Variants in CTNNA2 observed in about 807,000 individuals in gnomAD.
CTNNA2 encodes the protein catenin alpha 2, also known as catenin alpha-2.
Under a neutral mutation model 101.0 loss-of-function variants are expected in CTNNA2, and 42 were observed. That is an observed-to-expected ratio of 0.42 (90% CI 0.32 to 0.54). CTNNA2 has a LOEUF of 0.54. CTNNA2 is among the 20% of genes least tolerant of loss of function. The probability of loss-of-function intolerance (pLI) is 0.14; values close to 1 mark genes in which losing one functional copy is unlikely to be tolerated. For missense variants in CTNNA2, 871 were observed against 1,223.1 expected (o/e 0.71, Z 4.29); for synonymous variants, 450 against 456.4 (o/e 0.99, Z 0.18).
At chr2:79,977,448 C>T (rs1479632218) in intron 7 of CTNNA2, among the ~76,000 whole-genome samples, 2 of 152,074 alleles carry the variant, frequency 1.3e-5, no homozygotes, top group Non-Finnish European at 1.5e-5. Flanking sequence ...GGACAGCCCC[C>T]ACCACGAGAA....
intron 7 of CTNNA2, among the ~76,000 whole-genome samples, chr2:80,367,400 A>G (rs1675039884): frequency 6.6e-6 from 1 of 152,074 alleles, no homozygotes; most frequent in Admixed American, 6.6e-5. Context: ...AAGAAGCTTT[A>G]GGGTTTGGGG....
intron 2 of CTNNA2, among the ~76,000 whole-genome samples, chr2:79,674,199 G>T (rs1683038341): frequency 6.6e-6 from 1 of 152,162 alleles, no homozygotes. Context: ...ATGAGCCCTA[G>T]ACTTCCATGA....
chr2:79,979,826 T>C (rs1691130208), intron 7 of CTNNA2, among the ~76,000 whole-genome samples: 1 of 152,152 alleles, frequency 6.6e-6, no homozygotes, highest in Admixed American at 6.6e-5. Context: ...TCCTAGCAAC[T>C]AATGCAGAGA....
intron 7 of CTNNA2, among the ~76,000 whole-genome samples, chr2:80,284,599 C>G (rs1674612789): frequency 6.6e-6 from 1 of 151,352 alleles, no homozygotes; most frequent in Admixed American, 6.6e-5. Flanking sequence ...TCCATCCCTC[C>G]CATGATCTCT....
chr2:80,024,753 C>A (rs1694829571), intron 7 of CTNNA2, among the ~76,000 whole-genome samples: 2 of 151,834 alleles, frequency 1.3e-5, no homozygotes, highest in East Asian at 1.9e-4. Flanking sequence ...GTGTATGTTA[C>A]AATCAGTGCT....
intron 1 of CTNNA2, among the ~76,000 whole-genome samples, chr2:79,575,178 T>A (rs555678106): frequency 3.8e-4 from 58 of 152,284 alleles, no homozygotes; most frequent in African/African-American, 1.1e-3. Flanking sequence ...TGGAATGTAA[T>A]CTGGTTCTCG....
At chr2:80,281,217 G>C (rs533451433) in intron 7 of CTNNA2, among the ~76,000 whole-genome samples, 1 of 152,246 alleles carries the variant, frequency 6.6e-6, no homozygotes, top group East Asian at 1.9e-4. Flanking sequence ...TGTTGTTAGG[G>C]TGGTGCATTG....
At chr2:80,030,499 C>T (rs1309208763) in intron 7 of CTNNA2, 1 of 152,186 alleles carries the variant, frequency 6.6e-6, no homozygotes, top group Admixed American at 6.5e-5. Flanking sequence ...AGTGCTTTCT[C>T]ACCTTGGGAA....
intron 4 of CTNNA2, among the ~76,000 whole-genome samples, chr2:79,504,611 G>A (rs1048770817): frequency 2.6e-5 from 4 of 152,056 alleles, no homozygotes; most frequent in Non-Finnish European, 5.9e-5. Context: ...CTTTAATGAC[G>A]GAGTATCTGG....
intron 3 of CTNNA2, among the ~76,000 whole-genome samples, chr2:79,829,732 A>ATTTAT (rs1265471631): frequency 3.2e-3 from 323 of 101,350 alleles, no homozygotes; most frequent in African/African-American, 0.01. Flanking sequence ...TTATTTATTT[A>ATTTAT]TTTTTGAGAC....
At chr2:80,139,840 AAAGC>A (rs1702899855) in intron 7 of CTNNA2, among the ~76,000 whole-genome samples, 1 of 152,192 alleles carries the variant, frequency 6.6e-6, no homozygotes, top group Non-Finnish European at 1.5e-5. Flanking sequence ...TGCTGTGAAG[AAAGC>A]ATGTTTGCTT....
chr2:79,205,905 A>T (rs1674094538), intron 2 of CTNNA2, among the ~76,000 whole-genome samples: 1 of 152,182 alleles, frequency 6.6e-6, no homozygotes, highest in Non-Finnish European at 1.5e-5. Context: ...GAGATCTCTC[A>T]ATATATTTCC....
intron 7 of CTNNA2, among the ~76,000 whole-genome samples, chr2:80,119,317 G>C (rs547312065): frequency 6.6e-6 from 1 of 152,300 alleles, no homozygotes; most frequent in South Asian, 2.1e-4. Flanking sequence ...TCATTAGCTA[G>C]ATTGGGTCAC....
intron 7 of CTNNA2, among the ~76,000 whole-genome samples, chr2:80,072,108 A>G (rs544233577): frequency 2.0e-5 from 3 of 152,312 alleles, no homozygotes; most frequent in African/African-American, 7.2e-5. Flanking sequence ...TTAGAGAAAC[A>G]CTGGCTTTAA....
At chr2:79,510,854 C>T (rs1385535380), upstream of CTNNA2, among the ~76,000 whole-genome samples, 1 of 152,166 alleles carries the variant, frequency 6.6e-6, no homozygotes, top group Non-Finnish European at 1.5e-5. Context: ...TACAAAACAA[C>T]AAACAAGACA....
intron 3 of CTNNA2, among the ~76,000 whole-genome samples, chr2:79,829,724 ATTTATTTATT>A (rs1678769586): frequency 1.1e-5 from 1 of 93,988 alleles, no homozygotes; most frequent in Non-Finnish European, 2.2e-5. Context: ...TTATTTATTT[ATTTATTTATT>A]TTTGAGACGG....
chr2:79,625,258 T>C (rs908679982), intron 1 of CTNNA2, among the ~76,000 whole-genome samples: 1 of 152,188 alleles, frequency 6.6e-6, no homozygotes, highest in African/African-American at 2.4e-5. Context: ...TATAATGTGA[T>C]AGAGACTCAA....
At chr2:79,360,140 A>C (rs1677595176) in intron 3 of CTNNA2, among the ~76,000 whole-genome samples, 1 of 152,230 alleles carries the variant, frequency 6.6e-6, no homozygotes, top group Non-Finnish European at 1.5e-5. Context: ...AAATATAATT[A>C]AGCTACTATT....
intron 7 of CTNNA2, among the ~76,000 whole-genome samples, chr2:80,181,902 G>A (rs548295083): frequency 6.6e-6 from 1 of 152,244 alleles, no homozygotes; most frequent in African/African-American, 2.4e-5. Context: ...ATCATATTAA[G>A]CAGCCAACTC....
Sources: gnomAD v4.1 joint callset for allele counts (sites outside exome capture counted in the v4.1 genomes callset) on GRCh38, gnomAD v4.1.1 for gene constraint, MANE v1.5 for transcripts, NCBI Gene and HGNC (gene_info 2026-07-23, HGNC 2026-07-21) for gene names.